The following SLAIN2 variants were observed in gnomAD, a reference collection of about 807,000 sequenced individuals.
SLAIN2 encodes SLAIN family member 2.
Under a neutral mutation model 56.6 loss-of-function variants are expected in SLAIN2, and 31 were observed. That is an observed-to-expected ratio of 0.55 (90% confidence interval 0.41 to 0.74). The LOEUF (loss-of-function observed/expected upper bound fraction) is 0.74. Among genes scored for constraint, SLAIN2 ranks in the 30% least tolerant of loss-of-function variants. The pLI is 0.00. For synonymous variants in SLAIN2, 317 were observed against 284.9 expected (o/e 1.11, Z -1.13); for missense variants, 777 against 754.2 (o/e 1.03, Z -0.35).
chr4:48,387,771 T>C (rs573562933), intron 6 of SLAIN2, among the ~76,000 whole-genome samples: 1 of 152,176 alleles, frequency 6.6e-6, no homozygotes, highest in African/African-American at 2.4e-5. Flanking sequence ...CCAATTTATC[T>C]TGAAATTTCA....
At chr4:48,349,905 T>G (rs959295145) in intron 1 of SLAIN2, among the ~76,000 whole-genome samples, 10 of 152,204 alleles carry the variant, frequency 6.6e-5, no homozygotes, top group Admixed American at 6.5e-4. Flanking sequence ...ACCCAAGATA[T>G]GTATTTGATC....
intron 2 of SLAIN2, among the ~76,000 whole-genome samples, chr4:48,372,675 G>A (rs748395377): frequency 1.7e-4 from 26 of 152,328 alleles, no homozygotes; most frequent in Non-Finnish European, 2.9e-4. Context: ...GTGTGTAAGA[G>A]AGGCAGTTAC....
chr4:48,413,227 CAAAA>C (rs10572522), intron 6 of SLAIN2, among the ~76,000 whole-genome samples: 29 of 144,918 alleles, frequency 2.0e-4, no homozygotes, highest in East Asian at 4.1e-4. Flanking sequence ...GACTCTGCCT[CAAAA>C]AAAAAAAAAA....
intron 6 of SLAIN2, among the ~76,000 whole-genome samples, chr4:48,416,665 A>C (rs1370864710): frequency 1.3e-5 from 2 of 151,738 alleles, no homozygotes; most frequent in Admixed American, 6.6e-5. Flanking sequence ...CTCAGACCAC[A>C]GTGCAATCAA....
At position 48,425,298 on chromosome 4, in the gene SLAIN2, A is replaced by C. The variant is rs1333038291; in HGVS notation, c.*3221A>C. 2.0e-5 allele frequency: 3 copies of C among 152,126 alleles called. No individual in the cohort carries two copies. The highest frequency in any genetic ancestry group is 4.4e-5 in the Non-Finnish European group (3 of 67,992). The allele number at this position is 152,126 out of a possible 1,614,324, so 9.4% of individuals were successfully genotyped here. On this transcript the variant is annotated 3_prime_UTR_variant, in exon 8 of 8. Transcript: ENST00000264313. ...ACTTTTTTACCTGCTGTGAATTGAT[A>C]CCTAGTTATAAAAAGCTAGCATTTG... is the stretch of plus-strand genomic sequence containing the variant.
rs576016745 is a variant in SLAIN2, at chr4:48,369,740, C to T, written c.390-109C>T. ...AATGTGGGTGATTTAAAATATACTC[C>T]ATGACTTTTACTCCCTTCTCCCCTA... On this transcript the variant is annotated intron_variant, in intron 1 of 7. Coordinates refer to ENST00000264313, the MANE Select transcript of SLAIN2 (RefSeq NM_020846.2). 34 of 931,646 alleles carry T rather than the reference C, an allele frequency of 3.6e-5. No homozygotes were observed. In the African/African-American group the frequency reaches 5.3e-4, roughly 14 times the overall value. 57.7% of individuals were successfully genotyped at this position (931,646 alleles called of 1,614,324 possible). A position where few individuals can be genotyped will look rare whatever the true frequency, so the allele number is the denominator to read the frequency against.
At chr4:48,349,203 C>T (rs1714946036) in intron 1 of SLAIN2, among the ~76,000 whole-genome samples, 1 of 152,170 alleles carries the variant, frequency 6.6e-6, no homozygotes, top group South Asian at 2.1e-4. Flanking sequence ...CCACCTTGTG[C>T]TTTGGTCTGT....
intron 6 of SLAIN2, among the ~76,000 whole-genome samples, chr4:48,413,467 G>T (rs1716918194): frequency 6.6e-6 from 1 of 152,146 alleles, no homozygotes; most frequent in South Asian, 2.1e-4. Context: ...TAATTCTGTA[G>T]TGAGAGAATC....
intron 1 of SLAIN2, among the ~76,000 whole-genome samples, chr4:48,342,711 CTTTTTTTTTT>C (rs761272695): frequency 7.6e-5 from 5 of 65,938 alleles, no homozygotes; most frequent in South Asian, 9.0e-4. Flanking sequence ...GATGGTGCTG[CTTTTTTTTTT>C]TTTTTTTTTT....
chr4:48,424,978 C>T lies in SLAIN2; in HGVS notation c.*2901C>T, dbSNP rs1434604419. 2.0e-5 allele frequency: 3 copies of T among 152,018 alleles called. No homozygotes were observed. Among genetic ancestry groups the T allele is most frequent in the Non-Finnish European group, 4.4e-5 (3 of 67,964 alleles). The allele number at this position is 152,018 out of a possible 1,614,324, so 9.4% of individuals were successfully genotyped here. A position where few individuals can be genotyped will look rare whatever the true frequency, so the allele number is the denominator to read the frequency against. ...GCCGAACTTGTATATGTGGTTGCCT[C>T]CTTAATAAACAGCCTGACCATAATG... On this transcript the variant is annotated 3_prime_UTR_variant, in exon 8 of 8. Transcript: ENST00000264313.
At position 48,360,726 on chromosome 4, in the gene SLAIN2, C is replaced by T. The variant is rs138951433; in HGVS notation, c.390-9123C>T. On this transcript the variant is annotated intron_variant, in intron 1 of 7. Coordinates refer to ENST00000264313, the MANE Select transcript of SLAIN2 (RefSeq NM_020846.2). ...TTAGTTTTATAGTATTTTCAGCATA[C>T]TGAAAAGAAACCCTGTGCTCATTAG... 1.9e-3 allele frequency among the ~76,000 whole-genome samples: 286 copies of T among 152,288 alleles called. 1 individual carries two copies. The highest frequency in any genetic ancestry group is 6.4e-3 in the African/African-American group (268 of 41,552).
At chr4:48,391,716 A>G (rs1716239770) in intron 6 of SLAIN2, among the ~76,000 whole-genome samples, 1 of 152,212 alleles carries the variant, frequency 6.6e-6, no homozygotes, top group Non-Finnish European at 1.5e-5. Flanking sequence ...GGTGTGATGA[A>G]GGCCTGAATT....
chr4:48,390,466 A>C (rs771580248), intron 6 of SLAIN2, among the ~76,000 whole-genome samples: 1 of 152,238 alleles, frequency 6.6e-6, no homozygotes, highest in African/African-American at 2.4e-5. Flanking sequence ...CTTAGTATTT[A>C]GCACCTAGAG....
chr4:48,390,664 G>C (rs1225938490), intron 6 of SLAIN2, among the ~76,000 whole-genome samples: 1 of 151,860 alleles, frequency 6.6e-6, no homozygotes, highest in South Asian at 2.1e-4. Flanking sequence ...ATAGACAATG[G>C]GTTAATAATT....
Position 48,404,410 on chromosome 4 carries a change from C to T in SLAIN2, c.1361-15715C>T, listed in dbSNP as rs184210111. ...ATCTGTATCAGAAACAAGATACACTCATTATATCCTTCCTCTTTGCTTCTC... is the reference window on the plus strand; with the variant it reads ...ATCTGTATCAGAAACAAGATACACTTATTATATCCTTCCTCTTTGCTTCTC... On this transcript the variant is annotated intron_variant, in intron 6 of 7. Coordinates refer to ENST00000264313, the MANE Select transcript of SLAIN2 (RefSeq NM_020846.2). 8.9e-4 allele frequency among the ~76,000 whole-genome samples: 85 copies of T among 95,592 alleles called. 1 individual carries two copies. In the East Asian group the frequency reaches 0.019, roughly 22 times the overall value. 62.7% of individuals were successfully genotyped at this position (95,592 alleles called of 152,430 possible).
intron 6 of SLAIN2, among the ~76,000 whole-genome samples, chr4:48,400,933 C>T (rs758730443): frequency 2.0e-5 from 3 of 151,924 alleles, no homozygotes; most frequent in East Asian, 1.9e-4. Flanking sequence ...CATTTAGTGC[C>T]GTAAATTTCC....
intron 6 of SLAIN2, among the ~76,000 whole-genome samples, chr4:48,397,202 C>T (rs1041554881): frequency 3.3e-5 from 5 of 152,130 alleles, no homozygotes; most frequent in Non-Finnish European, 5.9e-5. Flanking sequence ...GCAGAGATAA[C>T]AGGATATTAA....
chr4:48,377,206 C>T (rs1220909397), intron 2 of SLAIN2, among the ~76,000 whole-genome samples: 2 of 150,730 alleles, frequency 1.3e-5, no homozygotes, highest in African/African-American at 2.4e-5. Context: ...TTTTTCGAGA[C>T]GAGTCTCACT....
In SLAIN2 at chr4:48,369,935, C is replaced by G. The variant is rs1012075461; in HGVS notation, c.476C>G (p.Pro159Arg). The G allele has an allele frequency of 6.2e-7, 1 of 1,613,690 alleles. No homozygotes were observed. Among genetic ancestry groups the G allele is most frequent in the Non-Finnish European group, 8.5e-7 (1 of 1,179,708 alleles). Residue 159 changes from proline (P) to arginine (R), a missense_variant, in exon 2 of 8, where the codon CCA becomes CGA. Transcript: ENST00000264313. The stretch of plus-strand genomic sequence containing the variant: ...TGGTGCAGGCAAGTTTTGGATTACC[C>G]AAGTCCTGATGTTGAGTGTGCTAAA... Reference protein sequence around the residue: ...LVWCRQVLDYPSPDVECAKKS... With the variant: ...LVWCRQVLDYRSPDVECAKKS...
Sources: gnomAD v4.1 joint callset for allele counts (sites outside exome capture counted in the v4.1 genomes callset) on GRCh38, gnomAD v4.1.1 for gene constraint, MANE v1.5 for transcripts, NCBI Gene and HGNC (gene_info 2026-07-23, HGNC 2026-07-21) for gene names.